Variants in CD320 observed in about 807,000 individuals in gnomAD.
CD320 encodes CD320 molecule, also known as CD320 antigen.
In CD320, 16 loss-of-function variants were observed where a neutral mutation model predicts 22.1. That is an observed-to-expected ratio of 0.73 (90% confidence interval 0.49 to 1.10). The LOEUF (loss-of-function observed/expected upper bound fraction) is 1.10, where lower values mean the gene tolerates loss of function less well. Among genes scored for constraint, CD320 ranks in the 50% least tolerant of loss-of-function variants. The probability of loss-of-function intolerance (pLI) is 0.00; values close to 1 mark genes in which losing one functional copy is unlikely to be tolerated. For missense variants in CD320, 388 were observed against 376.9 expected, an observed-to-expected ratio of 1.03 and a Z score of -0.24; for synonymous variants, 188 against 167.8, an observed-to-expected ratio of 1.12 and a Z score of -0.93.
chr19:8,308,258 C>G lies in CD320; in HGVS notation c.33G>C (p.Ala11=), dbSNP rs968474958. The part of the protein sequence containing the change: MSGGWMAQVG[A]WRTGALGLAL... ...CCAGGCCCAGAGCCCCTGTTCGCCACGCTCCAACCTGCGCCATCCAACCGC... is the reference window on the plus strand; with the variant it reads ...CCAGGCCCAGAGCCCCTGTTCGCCAGGCTCCAACCTGCGCCATCCAACCGC... The change falls in exon 1 of 5, where the codon GCG becomes GCC. Residue 11 remains alanine, a synonymous_variant. Coordinates refer to ENST00000301458, the MANE Select transcript of CD320 (RefSeq NM_016579.4). 1.9e-6 allele frequency: 3 copies of G among 1,583,836 alleles called. No homozygotes were observed. The highest frequency in any genetic ancestry group is 2.7e-5 in the African/African-American group (2 of 74,492).
rs768797895 is a variant in CD320 at position 8,308,193 on chromosome 19, G to C, written c.98C>G (p.Ala33Gly). The C allele has an allele frequency of 2.6e-6, 4 of 1,561,276 alleles. No homozygotes were observed. The highest frequency in any genetic ancestry group is 2.4e-5 in the East Asian group (1 of 42,314). The part of the protein sequence containing the change: ...LLLGLGLGLE[A>G]AASPLSTPTS... ...CGGGGTGGAAAGCGGGCTCGCGGCG[G>C]CCTCCAGGCCTAGTCCGAGGCCGAG... Residue 33 changes from alanine to glycine, a missense_variant, in exon 1 of 5, where the codon GCC (alanine) becomes GGC (glycine). Ala to Gly is a moderately conservative substitution (Grantham distance 60). Transcript: ENST00000301458.
intron 1 of CD320, among the ~76,000 whole-genome samples, chr19:8,307,292 A>C (rs1970103763): frequency 6.6e-6 from 1 of 151,966 alleles, no homozygotes. Context: ...CAAAAAAAAA[A>C]AAACAAAAAC....
Position 8,302,774 on chromosome 19 carries a change from T to C in CD320, c.706+3A>G, listed in dbSNP as rs551738826. The C allele has an allele frequency of 6.2e-6, 10 of 1,614,044 alleles. No individual in the cohort carries two copies. In the East Asian group the frequency reaches 2.2e-4, roughly 36 times the overall value. ...CCAGCATGGGAGGGTAAGTCCCTCTTACCAGCAGCTGCAATAACCCCATAG... is the reference window on the plus strand; with the variant it reads ...CCAGCATGGGAGGGTAAGTCCCTCTCACCAGCAGCTGCAATAACCCCATAG... On this transcript the variant is annotated splice_donor_region_variant and intron_variant, in intron 4 of 4. Coordinates refer to ENST00000301458, the MANE Select transcript of CD320 (RefSeq NM_016579.4).
intron 3 of CD320, 77 bp from the exon 4 acceptor site, chr19:8,303,057 C>A: frequency 7.7e-7 from 1 of 1,298,530 alleles, no homozygotes; most frequent in Non-Finnish European, 1.1e-6. Flanking sequence ...CAGGGGAGCC[C>A]TTGGGGTTTA....
chr19:8,303,929 T>C lies in CD320; in HGVS notation c.428A>G (p.Asp143Gly), dbSNP rs759132877. Residue 143 changes from aspartate (D) to glycine (G), a missense_variant, in exon 3 of 5, where the codon GAT (aspartate) becomes GGT (glycine). Asp to Gly is a moderately conservative substitution (Grantham distance 94). Transcript: ENST00000301458. ...LAGELRCTLS[D>G]DCIPLTWRCD... ...GCGCCACGTGAGTGGAATGCAGTCA[T>C]CGCTCAGCGTGCAACGGAGCTCGCC... 5 of 1,602,690 alleles carry C rather than the reference T, an allele frequency of 3.1e-6. No homozygotes were observed. In the African/African-American group the frequency reaches 6.7e-5, roughly 21 times the overall value.
At chr19:8,308,036 G>T in intron 1 of CD320, 113 bp downstream of exon 1, 1 of 1,074,728 alleles carries the variant, frequency 9.3e-7, no homozygotes, top group Non-Finnish European at 1.3e-6. Context: ...CACGTGCTGG[G>T]GGAGTGTCAT....
At position 8,303,035 on chromosome 19, in the gene CD320, G is replaced by T. The variant is rs1970033033; in HGVS notation, c.503-55C>A. The stretch of plus-strand genomic sequence containing the variant: ...AGGAGAGAGCACTGAAGGCGTGAGG[G>T]GGCCAGATGCCCAGGGGAGCCCTTG... On this transcript the variant is annotated intron_variant, in intron 3 of 4. Transcript: ENST00000301458. 2.7e-6 allele frequency: 4 copies of T among 1,497,324 alleles called. No individual in the cohort carries two copies. In the African/African-American group the frequency reaches 5.5e-5, roughly 21 times the overall value. 92.8% of individuals were successfully genotyped at this position (1,497,324 alleles called of 1,614,324 possible).
Position 8,308,213 on chromosome 19 carries a change from G to C in CD320, c.78C>G (p.Gly26=). Residue 26 remains glycine, a synonymous_variant, in exon 1 of 5, where the codon GGC becomes GGG. Transcript: ENST00000301458. ...CGGCGGCCTCCAGGCCTAGTCCGAG[G>C]CCGAGCAGCAGCAGCAGCGCCAGGC... ...ALGLALLLLL[G]LGLGLEAAAS... 1 of 1,574,202 alleles carries C rather than the reference G, an allele frequency of 6.4e-7. No homozygotes were observed. The highest frequency in any genetic ancestry group is 8.6e-7 in the Non-Finnish European group (1 of 1,167,110).
chr19:8,304,962 C>T, intron 2 of CD320, 69 bp downstream of exon 2: 1 of 1,573,440 alleles, frequency 6.4e-7, no homozygotes, highest in Non-Finnish European at 8.6e-7. Flanking sequence ...CCTCCGCGTG[C>T]CTGGCCCCTG....
chr19:8,303,881 G>C lies in CD320; in HGVS notation c.476C>G (p.Pro159Arg). 1.2e-6 allele frequency: 2 copies of C among 1,604,784 alleles called. No individual in the cohort carries two copies. Among genetic ancestry groups the C allele is most frequent in the Non-Finnish European group, 1.7e-6 (2 of 1,176,156 alleles). Residue 159 changes from proline to arginine, a missense_variant, in exon 3 of 5, where the codon CCC (proline) becomes CGC (arginine). Transcript: ENST00000301458. ...TWRCDGHPDC[P>R]DSSDELGCGT... ...ACAGCCGAGCTCGTCGCTGGAGTCGGGACAGTCTGGGTGGCCGTCGCAGCG... is the reference window on the plus strand; with the variant it reads ...ACAGCCGAGCTCGTCGCTGGAGTCGCGACAGTCTGGGTGGCCGTCGCAGCG...
At chr19:8,308,108 C>G in intron 1 of CD320, 41 bp downstream of exon 1, 8 of 1,440,228 alleles carry the variant, frequency 5.6e-6, no homozygotes, top group Non-Finnish European at 7.2e-6. Context: ...GGGGCGAAGC[C>G]TCGCGAGGGG....
rs201624090 is a variant in CD320, at chr19:8,303,911, G to A, written c.446C>T (p.Thr149Met). ...CTLSDDCIPL[T>M]WRCDGHPDCP... The stretch of plus-strand genomic sequence containing the variant: ...GTCTGGGTGGCCGTCGCAGCGCCAC[G>A]TGAGTGGAATGCAGTCATCGCTCAG... The change falls in exon 3 of 5, where the codon ACG becomes ATG. Residue 149 changes from threonine (T) to methionine (M), a missense_variant. Thr to Met is a moderately conservative substitution (Grantham distance 81, BLOSUM62 -1). Transcript: ENST00000301458. 1.5e-4 allele frequency: 238 copies of A among 1,605,948 alleles called. 1 individual carries two copies. The East Asian group carries it at 3.9e-3, about 27-fold the overall frequency.
intron 2 of CD320, 93 bp downstream of exon 2, chr19:8,304,938 T>A (rs1970065953): frequency 2.0e-6 from 3 of 1,482,620 alleles, no homozygotes; most frequent in Non-Finnish European, 2.8e-6. Flanking sequence ...GCCCTGCCTT[T>A]CCCACAAGCT....
chr19:8,305,192 G>C (rs1599623005), intron 1 of CD320, 36 bp from the exon 2 acceptor site: 2 of 1,561,642 alleles, frequency 1.3e-6, no homozygotes, highest in East Asian at 4.8e-5. Context: ...TGGGAAGCTG[G>C]AGGCTGGACC....
Position 8,302,362 on chromosome 19 carries a change from G to T in CD320, c.*101C>A. On this transcript the variant is annotated 3_prime_UTR_variant, in exon 5 of 5. Coordinates refer to ENST00000301458, the MANE Select transcript of CD320 (RefSeq NM_016579.4). The stretch of plus-strand genomic sequence containing the variant: ...GTTCCACGTGGCCAGAAGAGCTCAG[G>T]TCTCTGAGGGCTGGTGTGCCCGGGT... 6.9e-7 allele frequency: 1 copy of T among 1,455,014 alleles called. No individual in the cohort carries two copies. The highest frequency in any genetic ancestry group is 9.6e-7 in the Non-Finnish European group (1 of 1,041,536). The allele number at this position is 1,455,014 out of a possible 1,614,324, so 90.1% of individuals were successfully genotyped here.
Position 8,302,549 on chromosome 19 carries a change from C to A in CD320, c.763G>T (p.Ala255Ser). Reference protein sequence around the residue: ...ATLLLLSWLRAQERLRPLGLL... With the variant: ...ATLLLLSWLRSQERLRPLGLL... The stretch of plus-strand genomic sequence containing the variant: ...CCCAGTGGGCGGAGGCGCTCCTGGG[C>A]TCGGAGCCAGGACAAAAGGAGGAGG... Residue 255 changes from alanine to serine, a missense_variant, in exon 5 of 5, where the codon GCC (alanine) becomes TCC (serine). By Grantham distance (99) the Ala-to-Ser change is moderately conservative (BLOSUM62 1). Transcript: ENST00000301458. 6.2e-7 allele frequency: 1 copy of A among 1,614,028 alleles called. No individual in the cohort carries two copies. The highest frequency in any genetic ancestry group is 8.5e-7 in the Non-Finnish European group (1 of 1,179,970).
At chr19:8,304,663 CCTTTCTTTCCTTT>C (rs1970061003) in intron 2 of CD320, 1 of 177,608 alleles carries the variant, frequency 5.6e-6, no homozygotes, top group Non-Finnish European at 1.2e-5. Flanking sequence ...CTCTTTCCTT[CCTTTCTTTCCTTT>C]CTTTCATTTT....
At position 8,302,854 on chromosome 19, in the gene CD320, G is replaced by C; in HGVS notation, c.629C>G (p.Ser210Cys). 1 of 1,614,182 alleles carries C rather than the reference G, an allele frequency of 6.2e-7. No homozygotes were observed. The highest frequency in any genetic ancestry group is 1.3e-5 in the African/African-American group (1 of 75,050). Residue 210 changes from serine to cysteine, a missense_variant, in exon 4 of 5, where the codon TCT becomes TGT. Transcript: ENST00000301458. ...GPPVTLESVP[S>C]VGNATSSSAG... is the part of the protein sequence containing the mutation. ...AGAGGAGGATGTGGCATTCCCGACA[G>C]AGGGGACACTCTCCAGGGTCACAGG...
chr19:8,306,258 G>C (rs1197933786), intron 1 of CD320, among the ~76,000 whole-genome samples: 1 of 152,174 alleles, frequency 6.6e-6, no homozygotes, highest in African/African-American at 2.4e-5. Context: ...TTAAAGCCCT[G>C]GTCATGCCTG....
Sources: allele counts gnomAD v4.1 joint callset (sites outside exome capture counted in the v4.1 genomes callset), GRCh38; gene constraint gnomAD v4.1.1; transcripts MANE v1.5; gene names NCBI Gene and HGNC (gene_info 2026-07-23, HGNC 2026-07-21).